The following TANK variants were observed in gnomAD, a reference collection of about 807,000 sequenced individuals.
TANK encodes the protein TRAF family member associated NFKB activator, also known as TRAF family member-associated NF-kappa-B activator.
A neutral mutation model predicts 43.6 loss-of-function variants in TANK; 15 were observed. The ratio of observed to expected loss-of-function variants is 0.34; its 90% CI spans 0.23 to 0.53. TANK has a LOEUF of 0.53. Among genes scored for constraint, TANK ranks in the 20% least tolerant of loss-of-function variants. TANK has a pLI of 0.94. For synonymous variants in TANK, 162 were observed against 178.2 expected, an observed-to-expected ratio of 0.91 and a Z score of 0.73; for missense variants, 417 against 498.6, an observed-to-expected ratio of 0.84 and a Z score of 1.56.
intron 1 of TANK, among the ~76,000 whole-genome samples, chr2:161,170,682 G>A (rs887907307): frequency 6.6e-6 from 1 of 152,110 alleles, no homozygotes; most frequent in African/African-American, 2.4e-5. Flanking sequence ...TAAAACCACC[G>A]TGGATGATTC....
At chr2:161,157,462 T>C (rs763398871), upstream of TANK, among the ~76,000 whole-genome samples, 3 of 152,224 alleles carry the variant, frequency 2.0e-5, no homozygotes, top group Non-Finnish European at 4.4e-5. Flanking sequence ...TGATTTTTCA[T>C]AGCCATTTTA....
chr2:161,223,710 T>C (rs929819126), intron 4 of TANK: 1 of 371,024 alleles, frequency 2.7e-6, no homozygotes, highest in Non-Finnish European at 5.0e-6. Flanking sequence ...CTTCAGACTT[T>C]CCTTCTTCAT....
chr2:161,216,385 G>A (rs1257029321), intron 4 of TANK: 3 of 468,168 alleles, frequency 6.4e-6, no homozygotes, highest in South Asian at 1.6e-5. Flanking sequence ...TACCTGTGCT[G>A]CAGCCTGAGA....
chr2:161,147,719 G>C (rs1313317333), intron 1 of TANK, among the ~76,000 whole-genome samples: 1 of 148,266 alleles, frequency 6.7e-6, no homozygotes, highest in African/African-American at 2.7e-5. Context: ...AGTCCTTTTT[G>C]ATGGGAGCCT....
chr2:161,144,933 A>C (rs1683861063), intron 1 of TANK, among the ~76,000 whole-genome samples: 1 of 152,074 alleles, frequency 6.6e-6, no homozygotes, highest in African/African-American at 2.4e-5. Context: ...TGGGAGTCTA[A>C]GTCACTTTGT....
At chr2:161,206,387 ATATT>A (rs1686654575) in intron 4 of TANK, among the ~76,000 whole-genome samples, 1 of 152,134 alleles carries the variant, frequency 6.6e-6, no homozygotes, top group Non-Finnish European at 1.5e-5. Context: ...CAAGAGTGCT[ATATT>A]TATTTCTTTC....
At chr2:161,154,123 G>A (rs889120531) in intron 1 of TANK, among the ~76,000 whole-genome samples, 2 of 152,148 alleles carry the variant, frequency 1.3e-5, no homozygotes, top group African/African-American at 4.8e-5. Flanking sequence ...AAAGAGGAAA[G>A]GACAGGGTAA....
chr2:161,216,148 ATTG>A (rs1353106956), intron 4 of TANK, among the ~76,000 whole-genome samples: 1 of 152,102 alleles, frequency 6.6e-6, no homozygotes, highest in Non-Finnish European at 1.5e-5. Context: ...GGATTTACTC[ATTG>A]TTATTTCTGC....
chr2:161,200,792 CTT>C (rs398038230), intron 2 of TANK, among the ~76,000 whole-genome samples: 2 of 146,716 alleles, frequency 1.4e-5, no homozygotes, highest in African/African-American at 2.5e-5. Context: ...TCTGATATTT[CTT>C]TTTTTTTTTT....
chr2:161,179,491 T>C (rs1384642469), intron 1 of TANK, 123 bp from the exon 2 acceptor site: 5 of 742,546 alleles, frequency 6.7e-6, no homozygotes, highest in East Asian at 3.2e-5. Flanking sequence ...ATGAGACTTA[T>C]GTTTATAGTA....
intron 4 of TANK, among the ~76,000 whole-genome samples, chr2:161,213,149 T>C (rs1367298169): frequency 6.6e-6 from 1 of 152,172 alleles, no homozygotes; most frequent in Admixed American, 6.5e-5. Context: ...TCTCTATTCA[T>C]GAGGGATCTG....
intron 2 of TANK, among the ~76,000 whole-genome samples, chr2:161,183,948 A>C (rs886922449): frequency 6.6e-6 from 1 of 152,164 alleles, no homozygotes; most frequent in Non-Finnish European, 1.5e-5. Flanking sequence ...ACTATAATAG[A>C]GATCAGTATA....
intron 3 of TANK, 99 bp from the exon 4 acceptor site, chr2:161,204,576 T>C (rs1055581549): frequency 1.4e-5 from 15 of 1,082,082 alleles, no homozygotes; most frequent in African/African-American, 5.0e-5. Context: ...TTAAAATGTA[T>C]TCTCTTTATG....
chr2:161,152,813 A>T (rs1684116342), intron 1 of TANK, among the ~76,000 whole-genome samples: 1 of 152,240 alleles, frequency 6.6e-6, no homozygotes, highest in Non-Finnish European at 1.5e-5. Context: ...TTACTAGAAA[A>T]AGACTTTCAG....
At chr2:161,216,704 C>T (rs1002323744) in intron 4 of TANK, among the ~76,000 whole-genome samples, 5 of 151,736 alleles carry the variant, frequency 3.3e-5, no homozygotes, top group African/African-American at 9.7e-5. Context: ...TTGATGCTAA[C>T]AGAAAAGAAG....
At chr2:161,182,973 G>A (rs192215751) in intron 2 of TANK, among the ~76,000 whole-genome samples, 1 of 152,268 alleles carries the variant, frequency 6.6e-6, no homozygotes, top group Non-Finnish European at 1.5e-5. Context: ...AAGGCCTGAA[G>A]CACCTCAGTA....
chr2:161,205,193 GCACACGC>G (rs1686593120), intron 4 of TANK, among the ~76,000 whole-genome samples: 1 of 152,046 alleles, frequency 6.6e-6, no homozygotes. Context: ...ACGCAGAATG[GCACACGC>G]CTGCAGTCCC....
intron 4 of TANK, chr2:161,219,945 A>G: frequency 3.3e-5 from 9 of 276,748 alleles, no homozygotes; most frequent in South Asian, 2.0e-4. Flanking sequence ...TCCATAGTTT[A>G]TATTCCCTCT....
At chr2:161,157,133 G>A (rs150225611), upstream of TANK, among the ~76,000 whole-genome samples, 3 of 152,320 alleles carry the variant, frequency 2.0e-5, no homozygotes, top group Non-Finnish European at 2.9e-5. Context: ...AGTAGGGGCC[G>A]TGAGGCAGGT....
Sources: allele counts gnomAD v4.1 joint callset (sites outside exome capture counted in the v4.1 genomes callset), GRCh38; gene constraint gnomAD v4.1.1; transcripts MANE v1.5; gene names NCBI Gene and HGNC (gene_info 2026-07-23, HGNC 2026-07-21).